NTM: variants seen among roughly 807,000 people sequenced by gnomAD.
NTM encodes neurotrimin.
NTM carries 13 observed loss-of-function variants against 42.1 expected under a neutral mutation model. The observed-to-expected ratio is 0.31, with a 90% confidence interval of 0.20 to 0.49. The LOEUF (loss-of-function observed/expected upper bound fraction) is 0.49, where lower values mean the gene tolerates loss of function less well. NTM is among the 20% of genes least tolerant of loss of function. NTM has a pLI of 0.99. For missense variants in NTM, 373 were observed against 452.8 expected (o/e 0.82, Z 1.60); for synonymous variants, 187 against 179.2 (o/e 1.04, Z -0.35).
intron 1 of NTM, among the ~76,000 whole-genome samples, chr11:131,547,032 C>T (rs753767327): frequency 1.3e-5 from 2 of 152,138 alleles, no homozygotes; most frequent in South Asian, 2.1e-4. Context: ...AAGAAGCCCT[C>T]TGTGGTGACC....
At chr11:131,859,949 A>C (rs2046458737) in intron 1 of NTM, among the ~76,000 whole-genome samples, 2 of 146,490 alleles carry the variant, frequency 1.4e-5, no homozygotes, top group Admixed American at 6.8e-5. Flanking sequence ...CTTCCTCCCC[A>C]CTCCCCCTTT....
intron 1 of NTM, among the ~76,000 whole-genome samples, chr11:131,572,198 C>A (rs546775751): frequency 6.6e-6 from 1 of 152,258 alleles, no homozygotes; most frequent in South Asian, 2.1e-4. Context: ...AAGGATATCA[C>A]TGGCCACAGT....
At chr11:132,074,924 A>G (rs1335791560) in intron 2 of NTM, among the ~76,000 whole-genome samples, 2 of 152,236 alleles carry the variant, frequency 1.3e-5, no homozygotes, top group East Asian at 3.8e-4. Flanking sequence ...TCTGATCACC[A>G]TAAGTTGTAT....
intron 1 of NTM, among the ~76,000 whole-genome samples, chr11:131,467,821 C>G (rs1484904481): frequency 3.3e-5 from 5 of 152,154 alleles, no homozygotes; most frequent in Non-Finnish European, 5.9e-5. Flanking sequence ...GATTGAATGA[C>G]CTGGGAAGTT....
chr11:132,125,165 G>C (rs993866814), intron 2 of NTM, among the ~76,000 whole-genome samples: 2 of 152,204 alleles, frequency 1.3e-5, no homozygotes, highest in Non-Finnish European at 2.9e-5. Flanking sequence ...TGCAAACAAA[G>C]ATGAGGCGAC....
intron 1 of NTM, among the ~76,000 whole-genome samples, chr11:131,461,280 A>C (rs1951352722): frequency 6.6e-6 from 1 of 152,234 alleles, no homozygotes; most frequent in Non-Finnish European, 1.5e-5. Context: ...TAGAATGTCT[A>C]CTACTCAGCA....
At chr11:131,969,963 G>A (rs375268604) in intron 2 of NTM, among the ~76,000 whole-genome samples, 23 of 152,274 alleles carry the variant, frequency 1.5e-4, no homozygotes, top group Admixed American at 3.9e-4. Context: ...CCACAAGTGC[G>A]CAGCACCATG....
chr11:132,231,789 G>A (rs2087617263), intron 4 of NTM, among the ~76,000 whole-genome samples: 1 of 152,166 alleles, frequency 6.6e-6, no homozygotes, highest in South Asian at 2.1e-4. Flanking sequence ...ACTTCCATAA[G>A]AAAGTAACTT....
At chr11:132,269,618 A>G (rs1591642747) in intron 4 of NTM, among the ~76,000 whole-genome samples, 1 of 152,328 alleles carries the variant, frequency 6.6e-6, no homozygotes, top group Middle Eastern at 3.4e-3. Flanking sequence ...CATAAATGCT[A>G]CAGCCAGGAT....
At chr11:131,398,540 G>A (rs1233099167) in intron 1 of NTM, among the ~76,000 whole-genome samples, 4 of 152,002 alleles carry the variant, frequency 2.6e-5, no homozygotes, top group African/African-American at 7.3e-5. Flanking sequence ...AGTGAGCATC[G>A]TTTTAATTGG....
chr11:132,056,997 G>C (rs986472635), intron 2 of NTM, among the ~76,000 whole-genome samples: 3 of 152,196 alleles, frequency 2.0e-5, no homozygotes, highest in Admixed American at 1.3e-4. Flanking sequence ...ACGATTGTTT[G>C]AATACTTCAC....
intron 2 of NTM, among the ~76,000 whole-genome samples, chr11:132,088,256 G>A (rs1163904108): frequency 6.6e-6 from 1 of 152,166 alleles, no homozygotes; most frequent in East Asian, 1.9e-4. Context: ...GGTGGGGGAC[G>A]TGGGGCAGCT....
At chr11:131,764,416 A>G (rs1384864787) in intron 1 of NTM, among the ~76,000 whole-genome samples, 1 of 152,088 alleles carries the variant, frequency 6.6e-6, no homozygotes, top group Non-Finnish European at 1.5e-5. Flanking sequence ...GTGTTGAGAG[A>G]CACAGGTGTT....
chr11:131,379,530 G>A (rs1194375697), intron 1 of NTM, among the ~76,000 whole-genome samples: 1 of 152,118 alleles, frequency 6.6e-6, no homozygotes. Flanking sequence ...ATCAACCTCT[G>A]TACAACTCAG....
intron 1 of NTM, among the ~76,000 whole-genome samples, chr11:131,506,357 G>T (rs141339806): frequency 6.6e-6 from 1 of 152,130 alleles, no homozygotes; most frequent in Non-Finnish European, 1.5e-5. Flanking sequence ...GCTGGTGCCC[G>T]AATATCTTTA....
At chr11:131,747,859 G>A (rs950891042) in intron 1 of NTM, among the ~76,000 whole-genome samples, 1 of 152,082 alleles carries the variant, frequency 6.6e-6, no homozygotes, top group Admixed American at 6.5e-5. Flanking sequence ...AGCTTGACAA[G>A]CTCCTCGTTA....
chr11:132,291,224 A>C (rs923610040), intron 4 of NTM, among the ~76,000 whole-genome samples: 1 of 152,218 alleles, frequency 6.6e-6, no homozygotes, highest in Non-Finnish European at 1.5e-5. Context: ...AGGTGATAGA[A>C]GTGTCAGTGA....
chr11:131,478,480 C>A (rs921033264), intron 1 of NTM, among the ~76,000 whole-genome samples: 6 of 152,062 alleles, frequency 3.9e-5, no homozygotes, highest in Non-Finnish European at 8.8e-5. Flanking sequence ...GCTTTATCTG[C>A]CTCATCCACA....
intron 1 of NTM, chr11:131,910,972 G>T (rs1234482347): frequency 7.0e-6 from 7 of 996,468 alleles, no homozygotes; most frequent in African/African-American, 3.5e-5. Flanking sequence ...TATTGTTTCC[G>T]ATTGTTTTCC....
Sources: allele counts gnomAD v4.1 joint callset (sites outside exome capture counted in the v4.1 genomes callset), GRCh38; gene constraint gnomAD v4.1.1; transcripts MANE v1.5; gene names NCBI Gene and HGNC (gene_info 2026-07-23, HGNC 2026-07-21).